Variants in PLB1 observed in about 807,000 individuals in gnomAD.
The protein encoded by PLB1 is phospholipase B1, membrane-associated.
In PLB1, 242 loss-of-function variants were observed where a neutral mutation model predicts 227.4. The ratio of observed to expected loss-of-function variants is 1.06; its 90% confidence interval spans 0.96 to 1.18. The LOEUF (loss-of-function observed/expected upper bound fraction) is 1.18, where lower values mean the gene tolerates loss of function less well. Ranked by LOEUF, PLB1 falls within the 50% of genes most tolerant of loss-of-function variation. PLB1 has a pLI of 0.00. For missense variants in PLB1, 1,858 were observed against 1,816.3 expected, an observed-to-expected ratio of 1.02 and a Z score of -0.42; for synonymous variants, 757 against 682.2, an observed-to-expected ratio of 1.11 and a Z score of -1.71.
rs756172668 is a variant in PLB1 at position 28,628,537 on chromosome 2, AAG to A, written c.3661-21_3661-20del. The A allele has an allele frequency of 2.9e-5, 46 of 1,612,098 alleles. No individual in the cohort carries two copies. In the African/African-American group the frequency reaches 5.2e-4, roughly 18 times the overall value. On this transcript the variant is annotated intron_variant, in intron 51 of 57. Transcript: ENST00000327757. Reference sequence around the variant, plus strand: ...CTCTCAGAGCGGGCACCAGGGGCTAAAGAGAGTACCCTTTTTTCCTTACAGGA... The same window carrying A: ...CTCTCAGAGCGGGCACCAGGGGCTAAAGAGTACCCTTTTTTCCTTACAGGA...
chr2:28,552,525 A>AC (rs1177040646), intron 16 of PLB1, among the ~76,000 whole-genome samples: 1 of 152,244 alleles, frequency 6.6e-6, no homozygotes. Flanking sequence ...ATAACAAACA[A>AC]CATGGATAAA....
intron 10 of PLB1, among the ~76,000 whole-genome samples, chr2:28,538,752 G>C (rs1672060447): frequency 6.6e-6 from 1 of 152,128 alleles, no homozygotes; most frequent in African/African-American, 2.4e-5. Context: ...ATCAGCTGGG[G>C]GTTGCTGTGG....
chr2:28,564,811 G>A (rs1676613156), intron 18 of PLB1, among the ~76,000 whole-genome samples: 2 of 152,168 alleles, frequency 1.3e-5, no homozygotes, highest in South Asian at 4.1e-4. Flanking sequence ...TCCACATTGT[G>A]CTTTCTTCAG....
At chr2:28,527,795 C>A (rs1670473932) in intron 6 of PLB1, among the ~76,000 whole-genome samples, 1 of 152,176 alleles carries the variant, frequency 6.6e-6, no homozygotes, top group Admixed American at 6.5e-5. Context: ...TGAAAAGATC[C>A]AACGTCATGT....
chr2:28,551,680 G>A (rs2148223159), intron 16 of PLB1, among the ~76,000 whole-genome samples: 1 of 152,350 alleles, frequency 6.6e-6, no homozygotes, highest in South Asian at 2.1e-4. Context: ...CTGTGTCAAT[G>A]AGCAAGATAC....
chr2:28,612,751 G>A (rs1235182781), intron 43 of PLB1, among the ~76,000 whole-genome samples: 1 of 148,608 alleles, frequency 6.7e-6, no homozygotes. Context: ...TGAGATTACA[G>A]ATGTGTACCA....
At chr2:28,564,786 C>T (rs886657064) in intron 18 of PLB1, among the ~76,000 whole-genome samples, 6 of 152,202 alleles carry the variant, frequency 3.9e-5, no homozygotes, top group African/African-American at 9.7e-5. Context: ...GCAAGGGACA[C>T]GCACCTGGAG....
At position 28,524,792 on chromosome 2, in the gene PLB1, C is replaced by T. The variant is rs193257744; in HGVS notation, c.244-475C>T. On this transcript the variant is annotated intron_variant, in intron 4 of 57. Transcript: ENST00000327757. ...CTGCAGAGGAAGCCAAGAACTTTTCCTCCCTGCAGAAGGAGCCTTCATCTT... is the reference window on the plus strand; with the variant it reads ...CTGCAGAGGAAGCCAAGAACTTTTCTTCCCTGCAGAAGGAGCCTTCATCTT... Among the ~76,000 whole-genome samples the T allele has an allele frequency of 3.3e-5, 5 of 151,830 alleles. No homozygotes were observed. In the East Asian group the frequency reaches 9.7e-4, roughly 29 times the overall value.
chr2:28,577,910 A>G (rs79476821), intron 21 of PLB1, among the ~76,000 whole-genome samples, 197 bp from the exon 22 acceptor site: 301 of 152,310 alleles, frequency 2.0e-3, no homozygotes, highest in Non-Finnish European at 3.5e-3. Flanking sequence ...TGGCCTTCCC[A>G]AGCACAGTCA....
At chr2:28,567,688 G>T (rs192970609) in intron 20 of PLB1, among the ~76,000 whole-genome samples, 7 of 151,930 alleles carry the variant, frequency 4.6e-5, no homozygotes, top group African/African-American at 1.7e-4. Flanking sequence ...TGGCCAGGAT[G>T]GTCTCGATTT....
At chr2:28,521,165 C>A (rs1669482740) in intron 4 of PLB1, among the ~76,000 whole-genome samples, 1 of 152,114 alleles carries the variant, frequency 6.6e-6, no homozygotes, top group African/African-American at 2.4e-5. Context: ...TTCATTTATT[C>A]ATTCACCCGT....
chr2:28,625,799 G>A (rs893671328), intron 50 of PLB1, among the ~76,000 whole-genome samples: 1 of 151,942 alleles, frequency 6.6e-6, no homozygotes, highest in Non-Finnish European at 1.5e-5. Flanking sequence ...ATGGGCCAAG[G>A]ATATGTGGGA....
chr2:28,630,558 C>A, intron 53 of PLB1, 28 bp from the exon 54 acceptor site: 1 of 1,599,990 alleles, frequency 6.3e-7, no homozygotes, highest in Non-Finnish European at 8.6e-7. Flanking sequence ...CCCCAGGCAG[C>A]CTCAATACAA....
intron 33 of PLB1, 145 bp from the exon 34 acceptor site, chr2:28,597,860 C>T: frequency 1.3e-6 from 1 of 768,648 alleles, no homozygotes; most frequent in South Asian, 1.5e-5. Flanking sequence ...TCTCAGAATT[C>T]CTCAAACTCA....
chr2:28,573,661 C>A (rs1389029731), intron 21 of PLB1, among the ~76,000 whole-genome samples: 1 of 152,242 alleles, frequency 6.6e-6, no homozygotes, highest in East Asian at 1.9e-4. Flanking sequence ...TCCCTCCCTT[C>A]CTCAGCTGTG....
chr2:28,567,776 A>G (rs1454492573), intron 20 of PLB1, among the ~76,000 whole-genome samples: 2 of 152,118 alleles, frequency 1.3e-5, no homozygotes, highest in African/African-American at 4.8e-5. Context: ...AAGTCTGATT[A>G]TATTCCTTGA....
At chr2:28,606,252 T>C (rs1684659795) in intron 42 of PLB1, among the ~76,000 whole-genome samples, 1 of 152,148 alleles carries the variant, frequency 6.6e-6, no homozygotes, top group Non-Finnish European at 1.5e-5. Flanking sequence ...AGCCACGTTA[T>C]CTCATTTAAG....
chr2:28,543,146 T>C (rs1672740810), intron 13 of PLB1, 66 bp from the exon 14 acceptor site: 1 of 1,509,626 alleles, frequency 6.6e-7, no homozygotes, highest in Admixed American at 1.9e-5. Flanking sequence ...AGCTTCAAAG[T>C]GTGTAGCAGG....
chr2:28,553,700 G>A (rs148098299), intron 17 of PLB1, among the ~76,000 whole-genome samples: 6 of 152,082 alleles, frequency 3.9e-5, no homozygotes, highest in East Asian at 1.9e-4. Flanking sequence ...GGTCCTAAAG[G>A]GGGGGGACTC....
Sources: gnomAD v4.1 joint callset for allele counts (sites outside exome capture counted in the v4.1 genomes callset) on GRCh38, gnomAD v4.1.1 for gene constraint, MANE v1.5 for transcripts, NCBI Gene and HGNC (gene_info 2026-07-23, HGNC 2026-07-21) for gene names.